The following TOP3A variants were observed in gnomAD, a reference collection of about 807,000 sequenced individuals.
TOP3A encodes DNA topoisomerase 3-alpha.
A neutral mutation model predicts 111.3 loss-of-function variants in TOP3A; 64 were observed. The observed-to-expected ratio is 0.57, with a 90% CI of 0.47 to 0.71. TOP3A has a LOEUF of 0.71. Ranked by LOEUF, TOP3A falls within the 30% of genes least tolerant of loss-of-function variation. The pLI, the probability that TOP3A is intolerant of heterozygous loss-of-function variation, is 0.00. For synonymous variants in TOP3A, 484 were observed against 485.1 expected (o/e 1.00, Z 0.03); for missense variants, 1,104 against 1,285.0 (o/e 0.86, Z 2.15).
At chr17:18,308,786 G>T in intron 2 of TOP3A, 96 bp downstream of exon 2, 1 of 744,230 alleles carries the variant, frequency 1.3e-6, no homozygotes, top group Non-Finnish European at 2.1e-6. Flanking sequence ...GTTAACAGTT[G>T]TTATTCTTAA....
chr17:18,274,569 A>C lies in TOP3A; in HGVS notation c.*233T>G. Reference sequence around the variant, plus strand: ...GGGAGCAGCTGCGTGACTTTTCAGCAGTGGCTATGGTCACTCCTGAGGCCT... The same window carrying C: ...GGGAGCAGCTGCGTGACTTTTCAGCCGTGGCTATGGTCACTCCTGAGGCCT... On this transcript the variant is annotated 3_prime_UTR_variant, in exon 19 of 19. Transcript: ENST00000321105. 1 of 520,468 alleles carries C rather than the reference A, an allele frequency of 1.9e-6. No individual in the cohort carries two copies. The highest frequency in any genetic ancestry group is 3.5e-5 in the East Asian group (1 of 28,272). The allele number at this position is 520,468 out of a possible 1,614,324, so 32.2% of individuals were successfully genotyped here.
chr17:18,285,285 T>C lies in TOP3A; in HGVS notation c.1734A>G (p.Glu578=). ...CAGCCCGGAGGTCAGGCTTAGACAT[T>C]TCATAGCCCATGGAATCATAACCTG... is the stretch of plus-strand genomic sequence containing the variant. ...LVEGYDSMGY[E]MSKPDLRAEL... The change falls in exon 15 of 19, where the codon GAA becomes GAG. Residue 578 remains glutamate, a synonymous_variant. Transcript: ENST00000321105. 6.2e-7 allele frequency: 1 copy of C among 1,614,080 alleles called. No homozygotes were observed. The highest frequency in any genetic ancestry group is 8.5e-7 in the Non-Finnish European group (1 of 1,180,020).
intron 1 of TOP3A, among the ~76,000 whole-genome samples, chr17:18,309,516 G>C (rs1597989360): frequency 6.6e-6 from 1 of 151,926 alleles, no homozygotes. Flanking sequence ...GGTGGTGTGT[G>C]CCTGTAATCC....
At chr17:18,284,057 T>C (rs1979932718) in intron 15 of TOP3A, among the ~76,000 whole-genome samples, 1 of 152,126 alleles carries the variant, frequency 6.6e-6, no homozygotes. Flanking sequence ...TGGACTGCAG[T>C]GGGGCAATCT....
At chr17:18,290,785 A>T (rs1462919630) in intron 12 of TOP3A, 57 bp downstream of exon 12, 1 of 1,595,656 alleles carries the variant, frequency 6.3e-7, no homozygotes, top group Non-Finnish European at 8.6e-7. Context: ...TCCACTAGAG[A>T]ACTCAGGGCT....
chr17:18,285,948 C>A (rs1440312125), intron 13 of TOP3A, among the ~76,000 whole-genome samples: 1 of 152,186 alleles, frequency 6.6e-6, no homozygotes, highest in East Asian at 1.9e-4. Flanking sequence ...GCCTGTAATC[C>A]CAGCATTTTG....
At chr17:18,287,973 G>A (rs1029773357) in intron 13 of TOP3A, among the ~76,000 whole-genome samples, 6 of 151,490 alleles carry the variant, frequency 4.0e-5, no homozygotes, top group African/African-American at 1.5e-4. Flanking sequence ...ACTCCAGCCT[G>A]CAGCAACAAG....
chr17:18,278,401 C>T, intron 17 of TOP3A, 44 bp from the exon 18 acceptor site: 5 of 1,483,618 alleles, frequency 3.4e-6, no homozygotes, highest in Non-Finnish European at 4.5e-6. Flanking sequence ...CAACCAGATG[C>T]CAGCTTCTCC....
chr17:18,284,697 A>G (rs1484312324), intron 15 of TOP3A, among the ~76,000 whole-genome samples: 1 of 152,186 alleles, frequency 6.6e-6, no homozygotes, highest in Non-Finnish European at 1.5e-5. Flanking sequence ...AAACAAATGG[A>G]TCACACTCCA....
At chr17:18,296,353 G>A (rs1486803676) in intron 9 of TOP3A, among the ~76,000 whole-genome samples, 4 of 152,056 alleles carry the variant, frequency 2.6e-5, no homozygotes, top group East Asian at 1.9e-4. Flanking sequence ...AGGCCGAGGC[G>A]GGCGGATCAC....
intron 13 of TOP3A, among the ~76,000 whole-genome samples, chr17:18,289,725 G>T (rs1171334541): frequency 2.0e-5 from 3 of 152,194 alleles, no homozygotes; most frequent in African/African-American, 7.2e-5. Flanking sequence ...ATCATGACGG[G>T]TGAACCTCTA....
intron 3 of TOP3A, 64 bp from the exon 4 acceptor site, chr17:18,307,030 A>T: frequency 8.4e-7 from 1 of 1,190,834 alleles, no homozygotes; most frequent in Non-Finnish European, 1.2e-6. Flanking sequence ...CAATCTAATG[A>T]CAGCAAACTG....
chr17:18,300,884 A>G (rs1448559043), intron 8 of TOP3A, among the ~76,000 whole-genome samples: 1 of 152,208 alleles, frequency 6.6e-6, no homozygotes, highest in African/African-American at 2.4e-5. Context: ...CAGAAGGGGC[A>G]GGGACACACT....
intron 2 of TOP3A, 151 bp downstream of exon 2, chr17:18,308,731 C>T (rs1437592678): frequency 4.0e-6 from 2 of 498,974 alleles, no homozygotes; most frequent in Non-Finnish European, 3.5e-6. Flanking sequence ...GAGAACTCCT[C>T]ATAAATTATA....
At chr17:18,305,366 C>T in intron 4 of TOP3A, 146 bp from the exon 5 acceptor site, 1 of 674,270 alleles carries the variant, frequency 1.5e-6, no homozygotes, top group Middle Eastern at 3.9e-4. Flanking sequence ...GAGAAAACTG[C>T]TCTCATTGGT....
intron 5 of TOP3A, 27 bp downstream of exon 5, chr17:18,305,085 A>T (rs1981471234): frequency 6.3e-7 from 1 of 1,586,960 alleles, no homozygotes; most frequent in African/African-American, 1.3e-5. Flanking sequence ...CAAAGTAGAG[A>T]AAGTCAGCAG....
intron 18 of TOP3A, 25 bp from the exon 19 acceptor site, chr17:18,275,005 T>G (rs1597950030): frequency 6.2e-7 from 1 of 1,608,542 alleles, no homozygotes; most frequent in African/African-American, 1.3e-5. Flanking sequence ...AGGGGAGGGG[T>G]GAGGTTAGAA....
chr17:18,308,906 T>A lies in TOP3A; in HGVS notation c.216A>T (p.Glu72Asp). ...EGLSKFNKIYEFDYHLYGQNV... is the reference protein window; with the variant it reads ...EGLSKFNKIYDFDYHLYGQNV... ...CCTGGCCATACAGATGATAATCAAA[T>A]TCATAGATCTTGTTGAATTTTGAAA... Residue 72 changes from glutamate (E) to aspartate (D), a missense_variant, in exon 2 of 19, where the codon GAA (glutamate) becomes GAT (aspartate). Coordinates refer to ENST00000321105, the MANE Select transcript of TOP3A (RefSeq NM_004618.5). 6.4e-7 allele frequency: 1 copy of A among 1,564,440 alleles called. No individual in the cohort carries two copies.
chr17:18,306,855 T>C (rs764505014), intron 4 of TOP3A, 36 bp downstream of exon 4: 2 of 1,364,148 alleles, frequency 1.5e-6, no homozygotes, highest in Non-Finnish European at 2.1e-6. Context: ...ACTCTGTGGT[T>C]TGACTCAGTG....
Sources: gnomAD v4.1 joint callset for allele counts (sites outside exome capture counted in the v4.1 genomes callset) on GRCh38, gnomAD v4.1.1 for gene constraint, MANE v1.5 for transcripts, NCBI Gene and HGNC (gene_info 2026-07-23, HGNC 2026-07-21) for gene names.